The following PPP1R12A variants were observed in gnomAD, a reference collection of about 807,000 sequenced individuals.
PPP1R12A encodes protein phosphatase 1 regulatory subunit 12A.
PPP1R12A carries 19 observed loss-of-function variants against 139.6 expected under a neutral mutation model. That is an observed-to-expected ratio of 0.14 (90% CI 0.09 to 0.20). The LOEUF is 0.20. Ranked by LOEUF, PPP1R12A falls within the 10% of genes least tolerant of loss-of-function variation. The pLI is 1.00. For missense variants in PPP1R12A, 925 were observed against 1,211.5 expected, an observed-to-expected ratio of 0.76 and a Z score of 3.51; for synonymous variants, 427 against 420.6, an observed-to-expected ratio of 1.02 and a Z score of -0.19.
chr12:79,806,215 T>C lies in PPP1R12A; in HGVS notation c.1774A>G (p.Thr592Ala). ...LQKSLLSSTS[T>A]TTKITTGSSS... ...GAACCCGTTGTAATCTTTGTAGTAG[T>C]GCTTGTGCTGGAAAGCAGGCTTTTC... is the stretch of plus-strand genomic sequence containing the variant. The change falls in exon 13 of 25, where the codon ACT becomes GCT. Residue 592 changes from threonine (T) to alanine (A), a missense_variant. Transcript: ENST00000450142. 1.2e-6 allele frequency: 2 copies of C among 1,614,020 alleles called. No individual in the cohort carries two copies. The highest frequency in any genetic ancestry group is 1.1e-5 in the South Asian group (1 of 91,090).
chr12:79,935,191 G>A (rs954229329), upstream of PPP1R12A: 1 of 1,321,952 alleles, frequency 7.6e-7, no homozygotes, highest in East Asian at 3.2e-5. Flanking sequence ...CCAATCTAAC[G>A]TAACTTCGCG....
chr12:79,865,840 C>T (rs1881902231), intron 2 of PPP1R12A, among the ~76,000 whole-genome samples: 1 of 152,168 alleles, frequency 6.6e-6, no homozygotes, highest in Non-Finnish European at 1.5e-5. Flanking sequence ...AATGGAAAAA[C>T]ATTCCATGCT....
chr12:79,863,060 G>T (rs2137290257), intron 2 of PPP1R12A, among the ~76,000 whole-genome samples: 2 of 152,274 alleles, frequency 1.3e-5, no homozygotes, highest in South Asian at 4.1e-4. Context: ...GTTAAGGGCA[G>T]CCAGAGAGAA....
At chr12:79,846,068 A>G (rs1879348772) in intron 2 of PPP1R12A, among the ~76,000 whole-genome samples, 2 of 152,182 alleles carry the variant, frequency 1.3e-5, no homozygotes, top group African/African-American at 4.8e-5. Flanking sequence ...GTTCATAAAA[A>G]ATTCAATTAA....
chr12:79,847,608 T>C (rs750576857), intron 2 of PPP1R12A, among the ~76,000 whole-genome samples: 1 of 152,152 alleles, frequency 6.6e-6, no homozygotes, highest in Non-Finnish European at 1.5e-5. Flanking sequence ...ACCAGGAATA[T>C]AAAGGTAAAC....
chr12:79,934,857 C>T lies in PPP1R12A; in HGVS notation c.75G>A (p.Glu25=). Residue 25 remains glutamate, a synonymous_variant, in exon 1 of 25, where the codon GAG becomes GAA. Coordinates refer to ENST00000450142, the MANE Select transcript of PPP1R12A (RefSeq NM_002480.3). ...TCTTCTGGCGCTTCACCACCGGAGGCTCGAGGTCCGTCTCGGAGCCGATCC... is the reference window on the plus strand; with the variant it reads ...TCTTCTGGCGCTTCACCACCGGAGGTTCGAGGTCCGTCTCGGAGCCGATCC... The part of the protein sequence containing the change: ...KRWIGSETDL[E]PPVVKRQKTK... 1 of 1,611,896 alleles carries T rather than the reference C, an allele frequency of 6.2e-7. No homozygotes were observed. The highest frequency in any genetic ancestry group is 8.5e-7 in the Non-Finnish European group (1 of 1,179,136).
chr12:79,782,616 C>G (rs1173192253), intron 22 of PPP1R12A: 6 of 446,784 alleles, frequency 1.3e-5, no homozygotes, highest in Non-Finnish European at 2.7e-5. Flanking sequence ...AGCACAGGCA[C>G]AGTTTAAGAA....
intron 19 of PPP1R12A, among the ~76,000 whole-genome samples, chr12:79,791,734 T>C (rs1871895485): frequency 6.6e-6 from 1 of 152,204 alleles, no homozygotes; most frequent in Non-Finnish European, 1.5e-5. Context: ...TTAATTATAT[T>C]CATATTGTTG....
At chr12:79,923,211 T>C (rs2656035) in intron 1 of PPP1R12A, among the ~76,000 whole-genome samples, 1 of 152,170 alleles carries the variant, frequency 6.6e-6, no homozygotes, top group East Asian at 1.9e-4. Context: ...GAGACGGTAG[T>C]TGCAGTCAGC....
chr12:79,935,301 G>A (rs1592862388), upstream of PPP1R12A: 11 of 1,053,020 alleles, frequency 1.0e-5, no homozygotes, highest in Non-Finnish European at 1.0e-5. Context: ...GGTGGTGGCT[G>A]GGCCACCAGA....
chr12:79,927,249 T>C (rs1212756085), intron 1 of PPP1R12A, among the ~76,000 whole-genome samples: 1 of 151,996 alleles, frequency 6.6e-6, no homozygotes, highest in African/African-American at 2.4e-5. Context: ...CGATATAAAT[T>C]GCTATTAGGG....
chr12:79,837,758 TGAA>T lies in PPP1R12A; in HGVS notation c.488-5270_488-5268del, dbSNP rs751646235. On this transcript the variant is annotated intron_variant, in intron 3 of 24. Transcript: ENST00000450142. ...AGCATGTCTCTCTCCAGCCGCCATG[TGAA>T]GAAGGACGTGTTTGCTTCTCCTTCC... 1.8e-4 allele frequency among the ~76,000 whole-genome samples: 28 copies of T among 152,212 alleles called. 1 individual carries two copies. Among genetic ancestry groups the T allele is most frequent in the South Asian group, 6.2e-4 (3 of 4,834 alleles).
chr12:79,924,294 T>C (rs1166773014), intron 1 of PPP1R12A, among the ~76,000 whole-genome samples: 5 of 152,162 alleles, frequency 3.3e-5, no homozygotes, highest in Non-Finnish European at 7.4e-5. Context: ...TCCATGTACT[T>C]GGAAGGAATA....
At chr12:79,883,167 A>G (rs976845014) in intron 1 of PPP1R12A, among the ~76,000 whole-genome samples, 3 of 152,002 alleles carry the variant, frequency 2.0e-5, no homozygotes, top group South Asian at 2.1e-4. Context: ...AACAAAAAAA[A>G]CCCTCCACCA....
intron 13 of PPP1R12A, 122 bp downstream of exon 13, chr12:79,806,044 T>G (rs1873791328): frequency 9.1e-6 from 12 of 1,320,356 alleles, no homozygotes; most frequent in Non-Finnish European, 1.2e-5. Flanking sequence ...CCAATTTTTG[T>G]CTGCAAATAA....
At chr12:79,845,898 G>T (rs11114259) in intron 2 of PPP1R12A, among the ~76,000 whole-genome samples, 578 of 17,604 alleles carry the variant, frequency 0.033, 1 homozygote, top group Non-Finnish European at 0.074. Context: ...ATACAAAAAT[G>T]TTAATTTTTA....
At chr12:79,816,022 T>A (rs1201572170) in intron 9 of PPP1R12A, among the ~76,000 whole-genome samples, 1 of 152,126 alleles carries the variant, frequency 6.6e-6, no homozygotes, top group African/African-American at 2.4e-5. Flanking sequence ...CAAAAAGATC[T>A]ATATTTTGAC....
At chr12:79,783,306 A>AG (rs1001246472) in intron 22 of PPP1R12A, among the ~76,000 whole-genome samples, 6 of 150,942 alleles carry the variant, frequency 4.0e-5, no homozygotes, top group Non-Finnish European at 8.9e-5. Context: ...AAAAAAAAAA[A>AG]AAAAAAAGGA....
intron 1 of PPP1R12A, among the ~76,000 whole-genome samples, chr12:79,918,736 C>T (rs1463928677): frequency 6.6e-6 from 1 of 152,174 alleles, no homozygotes; most frequent in Non-Finnish European, 1.5e-5. Flanking sequence ...CAGCTTTGTC[C>T]TCTCTTTTCA....
Sources: gnomAD v4.1 joint callset for allele counts (sites outside exome capture counted in the v4.1 genomes callset) on GRCh38, gnomAD v4.1.1 for gene constraint, MANE v1.5 for transcripts, NCBI Gene and HGNC (gene_info 2026-07-23, HGNC 2026-07-21) for gene names.